FBXL8: variants seen among roughly 807,000 people sequenced by gnomAD.
FBXL8 encodes the protein F-box/LRR-repeat protein 8.
Under a neutral mutation model 8.2 loss-of-function variants are expected in FBXL8, and 13 were observed. The observed-to-expected ratio is 1.58, with a 90% CI of 1.03 to 2.51. FBXL8 has a LOEUF of 2.51. Among genes scored for constraint, FBXL8 ranks in the 30% most tolerant of loss-of-function variants. The probability of loss-of-function intolerance (pLI) is 0.00; values close to 1 mark genes in which losing one functional copy is unlikely to be tolerated. For synonymous variants in FBXL8, 271 were observed against 260.5 expected, an observed-to-expected ratio of 1.04 and a Z score of -0.39; for missense variants, 565 against 540.4, an observed-to-expected ratio of 1.05 and a Z score of -0.45.
At position 67,163,872 on chromosome 16, in the gene FBXL8, A is replaced by G; in HGVS notation, c.*52A>G. 3.7e-6 allele frequency: 5 copies of G among 1,338,742 alleles called. No homozygotes were observed. Among genetic ancestry groups the G allele is most frequent in the Non-Finnish European group, 4.7e-6 (5 of 1,055,554 alleles). The allele number at this position is 1,338,742 out of a possible 1,614,324, so 82.9% of individuals were successfully genotyped here. A position where few individuals can be genotyped will look rare whatever the true frequency, so the allele number is the denominator to read the frequency against. On this transcript the variant is annotated 3_prime_UTR_variant, in exon 3 of 3. Transcript: ENST00000258200. ...GTGGACGTAAGCGCTCTGAGAGGGA[A>G]CGGGGGGGGTGTCCAGGCGCGCCCC... is the stretch of plus-strand genomic sequence containing the variant.
Position 67,163,243 on chromosome 16 carries a change from T to G in FBXL8, c.548T>G (p.Val183Gly), listed in dbSNP as rs762194919. Residue 183 changes from valine (V) to glycine (G), a missense_variant, in exon 3 of 3, where the codon GTG becomes GGG. Transcript: ENST00000258200. Reference protein sequence around the residue: ...TLVGSVGPGSVLELLEACPRL... With the variant: ...TLVGSVGPGSGLELLEACPRL... ...GTGGGCAGCGTGGGTCCCGGCTCAG[T>G]GCTCGAGCTACTGGAGGCCTGCCCG... 3.8e-6 allele frequency: 6 copies of G among 1,566,686 alleles called. No homozygotes were observed. Among genetic ancestry groups the G allele is most frequent in the Non-Finnish European group, 5.2e-6 (6 of 1,156,792 alleles).
At position 67,161,855 on chromosome 16, in the gene FBXL8, G is replaced by C. The variant is rs2030918981; in HGVS notation, c.70G>C (p.Asp24His). ...ALIFRHLSLR[D>H]RAAAARVCRA... The stretch of plus-strand genomic sequence containing the variant: ...CATCTTCCGCCACCTGTCCCTGAGA[G>C]ACCGTGCTGCCGCCGCCAGGGTCTG... The change falls in exon 2 of 3, where the codon GAC becomes CAC. Residue 24 changes from aspartate to histidine, a missense_variant. Coordinates refer to ENST00000258200, the MANE Select transcript of FBXL8 (RefSeq NM_018378.3). The C allele has an allele frequency of 1.2e-6, 2 of 1,610,924 alleles. No homozygotes were observed. The highest frequency in any genetic ancestry group is 1.7e-6 in the Non-Finnish European group (2 of 1,178,900).
chr16:67,162,004 G>T (rs953055459), intron 2 of FBXL8, 67 bp downstream of exon 2: 24 of 1,477,152 alleles, frequency 1.6e-5, no homozygotes, highest in Admixed American at 9.5e-5. Flanking sequence ...TCGTGGGCTA[G>T]GTAGATATTC....
chr16:67,163,935 G>A lies in FBXL8; in HGVS notation c.*115G>A, dbSNP rs1214281332. On this transcript the variant is annotated 3_prime_UTR_variant, in exon 3 of 3. Transcript: ENST00000258200. The stretch of plus-strand genomic sequence containing the variant: ...CTTCTTTTGGGATTGTTGCCCCCCG[G>A]GTCTTTACCGAGTTGGGAACTGTGA... 36 of 1,457,636 alleles carry A rather than the reference G, an allele frequency of 2.5e-5. No individual in the cohort carries two copies. In the East Asian group the frequency reaches 7.8e-4, roughly 32 times the overall value. The allele number at this position is 1,457,636 out of a possible 1,614,324, so 90.3% of individuals were successfully genotyped here.
At chr16:67,161,678 G>T (rs2030908223) in intron 1 of FBXL8, 57 bp from the exon 2 acceptor site, 2 of 1,367,974 alleles carry the variant, frequency 1.5e-6, no homozygotes, top group South Asian at 1.5e-5. Flanking sequence ...ACCTAAGCTC[G>T]GTCTTCCTGC....
At position 67,161,904 on chromosome 16, in the gene FBXL8, C is replaced by CCTGGGCCGCCG; in HGVS notation, c.122_123insGGCCGCCGCTG (p.Cys41TrpfsTer57). The CCTGGGCCGCCG allele has an allele frequency of 6.2e-7, 1 of 1,610,966 alleles. No individual in the cohort carries two copies. The highest frequency in any genetic ancestry group is 1.1e-5 in the South Asian group (1 of 90,672). On this transcript the variant is annotated frameshift_variant, in exon 2 of 3. Transcript: ENST00000258200. LOFTEE classifies it low-confidence loss of function (END_TRUNC). ...TGCAGGGCCTGGGCCGCCGCTGCTA[C>CCTGGGCCGCCG]CTGCAGCGCCGTGTGGCACGACACA...
chr16:67,159,997 C>T lies in FBXL8; in HGVS notation c.-111C>T, dbSNP rs2030847258. The stretch of plus-strand genomic sequence containing the variant: ...CGGGCTCCCGGTGGCTGCTTCCCGT[C>T]CGCTGTCCTCTGCTGCCAGTCCCCT... On this transcript the variant is annotated 5_prime_UTR_variant, in exon 1 of 3. Transcript: ENST00000258200. This position sits in a 1 kb window ranked among gnomAD's most constrained non-coding sequence, Gnocchi z 6.8. 6.6e-6 allele frequency: 1 copy of T among 152,394 alleles called. No homozygotes were observed. Among genetic ancestry groups the T allele is most frequent in the Non-Finnish European group, 1.5e-5 (1 of 68,194 alleles). 9.4% of individuals were successfully genotyped at this position (152,394 alleles called of 1,614,324 possible).
In FBXL8 at chr16:67,163,500, C is replaced by T. The variant is rs913397175; in HGVS notation, c.805C>T (p.Arg269Cys). The T allele has an allele frequency of 3.9e-6, 6 of 1,542,662 alleles. No homozygotes were observed. Among genetic ancestry groups the T allele is most frequent in the Non-Finnish European group, 5.2e-6 (6 of 1,151,292 alleles). ...EPALPAESVT[R>C]VLQPAVPVAA... Reference sequence around the variant, plus strand: ...CGCGCTGCCCGCTGAGAGCGTGACGCGCGTCCTGCAGCCAGCCGTCCCCGT... The same window carrying T: ...CGCGCTGCCCGCTGAGAGCGTGACGTGCGTCCTGCAGCCAGCCGTCCCCGT... The change falls in exon 3 of 3, where the codon CGC becomes TGC. Residue 269 changes from arginine to cysteine, a missense_variant. By Grantham distance (180) the Arg-to-Cys change is radical. Transcript: ENST00000258200.
In FBXL8 at chr16:67,162,951, C is replaced by A; in HGVS notation, c.256C>A (p.Arg86Ser). Residue 86 changes from arginine (R) to serine (S), a missense_variant, in exon 3 of 3, where the codon CGC becomes AGC. Physicochemically the swap from Arg to Ser is moderately radical, Grantham distance 110. Coordinates refer to ENST00000258200, the MANE Select transcript of FBXL8 (RefSeq NM_018378.3). ...LEFEPSRKPSRRAAIELLMVL... is the reference protein window; with the variant it reads ...LEFEPSRKPSSRAAIELLMVL... Reference sequence around the variant, plus strand: ...ATTTGAGCCATCGAGGAAGCCGAGCCGCCGGGCGGCCATCGAGCTGCTGAT... The same window carrying A: ...ATTTGAGCCATCGAGGAAGCCGAGCAGCCGGGCGGCCATCGAGCTGCTGAT... The A allele has an allele frequency of 6.4e-7, 1 of 1,559,408 alleles. No homozygotes were observed. Among genetic ancestry groups the A allele is most frequent in the Non-Finnish European group, 8.7e-7 (1 of 1,151,612 alleles).
chr16:67,162,510 G>C, intron 2 of FBXL8: 1 of 686,526 alleles, frequency 1.5e-6, no homozygotes, highest in East Asian at 2.7e-5. Context: ...CACTTCCCAC[G>C]GGTCACTCAG....
intron 1 of FBXL8, chr16:67,161,391 T>G (rs2030892111): frequency 5.9e-6 from 1 of 169,870 alleles, no homozygotes; most frequent in Non-Finnish European, 1.2e-5. Flanking sequence ...TGCAGTGAGT[T>G]GTGATTGCGC....
Position 67,163,952 on chromosome 16 carries a change from G to C in FBXL8, c.*132G>C, listed in dbSNP as rs1484468140. On this transcript the variant is annotated 3_prime_UTR_variant, in exon 3 of 3. Transcript: ENST00000258200. ...GCCCCCCGGGTCTTTACCGAGTTGG[G>C]AACTGTGATGGCATCGGGACCAGTC... is the stretch of plus-strand genomic sequence containing the variant. 7.4e-7 allele frequency: 1 copy of C among 1,360,024 alleles called. No individual in the cohort carries two copies. The highest frequency in any genetic ancestry group is 1.0e-6 in the Non-Finnish European group (1 of 992,308). The allele number at this position is 1,360,024 out of a possible 1,614,324, so 84.2% of individuals were successfully genotyped here.
In FBXL8 at chr16:67,163,768, C is replaced by T. The variant is rs946205002; in HGVS notation, c.1073C>T (p.Thr358Ile). 2 of 1,578,548 alleles carry T rather than the reference C, an allele frequency of 1.3e-6. No homozygotes were observed. Among genetic ancestry groups the T allele is most frequent in the East Asian group, 2.2e-5 (1 of 44,570 alleles). Residue 358 changes from threonine (T) to isoleucine (I), a missense_variant, in exon 3 of 3, where the codon ACC becomes ATC. Thr to Ile is a moderately conservative substitution (Grantham distance 89). Coordinates refer to ENST00000258200, the MANE Select transcript of FBXL8 (RefSeq NM_018378.3). The stretch of plus-strand genomic sequence containing the variant: ...CACTGCCCGCGCCTGCGCACCTATA[C>T]CCTCAAGCTCACGCGCGAGCCGCAT... ...RAHCPRLRTY[T>I]LKLTREPHPW... is the part of the protein sequence containing the mutation.
chr16:67,163,139 A>G lies in FBXL8; in HGVS notation c.444A>G (p.Thr148=). 1.9e-6 allele frequency: 3 copies of G among 1,571,638 alleles called. No individual in the cohort carries two copies. The South Asian group carries it at 3.5e-5, about 18-fold the overall frequency. The change falls in exon 3 of 3, where the codon ACA becomes ACG. Residue 148 remains threonine, a synonymous_variant. Coordinates refer to ENST00000258200, the MANE Select transcript of FBXL8 (RefSeq NM_018378.3). Reference sequence around the variant, plus strand: ...TCGACCTGCGGCGCTTGTCCTTCACACTGGACGACGCGCTGGTGCTGCAGG... The same window carrying G: ...TCGACCTGCGGCGCTTGTCCTTCACGCTGGACGACGCGCTGGTGCTGCAGG... The part of the protein sequence containing the change: ...RHLDLRRLSF[T]LDDALVLQAA...
At position 67,161,840 on chromosome 16, in the gene FBXL8, C is replaced by T; in HGVS notation, c.55C>T (p.His19Tyr). ...GGAGGTGCTGGCACTCATCTTCCGC[C>T]ACCTGTCCCTGAGAGACCGTGCTGC... The part of the protein sequence containing the change: ...PEEVLALIFR[H>Y]LSLRDRAAAA... Residue 19 changes from histidine (H) to tyrosine (Y), a missense_variant, in exon 2 of 3, where the codon CAC becomes TAC. Coordinates refer to ENST00000258200, the MANE Select transcript of FBXL8 (RefSeq NM_018378.3). 1 of 1,610,884 alleles carries T rather than the reference C, an allele frequency of 6.2e-7. No individual in the cohort carries two copies. Among genetic ancestry groups the T allele is most frequent in the Non-Finnish European group, 8.5e-7 (1 of 1,178,834 alleles).
At position 67,162,051 on chromosome 16, in the gene FBXL8, C is replaced by T. The variant is rs878998195; in HGVS notation, c.152+114C>T. On this transcript the variant is annotated intron_variant, in intron 2 of 2. Coordinates refer to ENST00000258200, the MANE Select transcript of FBXL8 (RefSeq NM_018378.3). ...CCCATATTAAAAAATAATTGCTGGC[C>T]GGGCGTGGTGGCTCATGCCTGTAAT... 35 of 1,356,042 alleles carry T rather than the reference C, an allele frequency of 2.6e-5. No individual in the cohort carries two copies. In the South Asian group the frequency reaches 3.1e-4, roughly 12 times the overall value. 84.0% of individuals were successfully genotyped at this position (1,356,042 alleles called of 1,614,324 possible).
Position 67,163,346 on chromosome 16 carries a change from G to T in FBXL8, c.651G>T (p.Ala217=). Residue 217 remains alanine (A), a synonymous_variant, in exon 3 of 3, where the codon GCG becomes GCT. Coordinates refer to ENST00000258200, the MANE Select transcript of FBXL8 (RefSeq NM_018378.3). The part of the protein sequence containing the change: ...ILEALAAPDR[A]PFALLALRCA... ...AAGCACTGGCGGCGCCAGACCGAGCGCCTTTCGCGCTCTTGGCTCTGCGGT... is the reference window on the plus strand; with the variant it reads ...AAGCACTGGCGGCGCCAGACCGAGCTCCTTTCGCGCTCTTGGCTCTGCGGT... The T allele has an allele frequency of 1.3e-6, 2 of 1,558,056 alleles. No individual in the cohort carries two copies. Among genetic ancestry groups the T allele is most frequent in the Non-Finnish European group, 1.7e-6 (2 of 1,156,414 alleles).
Position 67,162,844 on chromosome 16 carries a change from C to G in FBXL8, c.153-4C>G, listed in dbSNP as rs1414693337. 7.7e-6 allele frequency: 12 copies of G among 1,550,976 alleles called. No individual in the cohort carries two copies. Among genetic ancestry groups the G allele is most frequent in the Non-Finnish European group, 8.7e-6 (10 of 1,146,994 alleles). On this transcript the variant is annotated splice_polypyrimidine_tract_variant and splice_region_variant and intron_variant, in intron 2 of 2. Transcript: ENST00000258200. ...AGGCCTTTTCTGCACGGCTCTAACC[C>G]AAGTTGCGAATGTGAGCTGGAAGGC...
chr16:67,162,393 C>T (rs1168062650), intron 2 of FBXL8: 1 of 587,426 alleles, frequency 1.7e-6, no homozygotes, highest in African/African-American at 1.9e-5. Flanking sequence ...TTTTTAAGTG[C>T]CTTACATATA....
Sources: allele counts gnomAD v4.1 joint callset, GRCh38; gene constraint gnomAD v4.1.1; non-coding constraint Gnocchi (gnomAD v3.1); transcripts MANE v1.5; gene names NCBI Gene and HGNC (gene_info 2026-07-23, HGNC 2026-07-21).